The following FRMD4B variants were observed in gnomAD, a reference collection of about 807,000 sequenced individuals.
The protein encoded by FRMD4B is FERM domain containing 4B.
In FRMD4B, 74 loss-of-function variants were observed where a neutral mutation model predicts 141.5. That is an observed-to-expected ratio of 0.52 (90% confidence interval 0.43 to 0.63). The LOEUF is 0.63. FRMD4B is among the 30% of genes least tolerant of loss of function. The pLI is 0.00. For missense variants in FRMD4B, 1,366 were observed against 1,253.4 expected (o/e 1.09, Z -1.36); for synonymous variants, 506 against 467.9 (o/e 1.08, Z -1.05).
At chr3:69,473,678 G>T (rs1268169764) in intron 1 of FRMD4B, among the ~76,000 whole-genome samples, 1 of 152,044 alleles carries the variant, frequency 6.6e-6, no homozygotes, top group Admixed American at 6.6e-5. Context: ...ATCCATGTGG[G>T]CATTCACAAT....
At chr3:69,291,557 A>AT (rs1170872292) in intron 4 of FRMD4B, among the ~76,000 whole-genome samples, 1 of 152,124 alleles carries the variant, frequency 6.6e-6, no homozygotes, top group Non-Finnish European at 1.5e-5. Flanking sequence ...ACTGGGACAC[A>AT]TTTTTTCTGC....
At position 69,397,921 on chromosome 3, in the gene FRMD4B, C is replaced by T. The variant is rs796704848; in HGVS notation, c.-1+34713G>A. Among the ~76,000 whole-genome samples the T allele has an allele frequency of 6.6e-5, 10 of 152,208 alleles. No homozygotes were observed. In the South Asian group the frequency reaches 8.3e-4, roughly 13 times the overall value. ...TACCAAAAAAAGAGAGGTAAAACCA[C>T]AGAAAACATCTTAACTTGTACCTGT... On this transcript the variant is annotated intron_variant, in intron 2 of 5. Coordinates refer to the FRMD4B transcript ENST00000459638.
intron 7 of FRMD4B, among the ~76,000 whole-genome samples, chr3:69,242,377 A>G (rs2093390669): frequency 6.6e-6 from 1 of 151,816 alleles, no homozygotes; most frequent in East Asian, 1.9e-4. Context: ...CCAGAGGTGT[A>G]ATAACTAAGG....
At chr3:69,213,595 T>G (rs888887429) in intron 11 of FRMD4B, among the ~76,000 whole-genome samples, 7 of 151,860 alleles carry the variant, frequency 4.6e-5, no homozygotes, top group African/African-American at 1.5e-4. Context: ...GTTAACAGTA[T>G]GATTACAAAC....
At chr3:69,410,726 A>ATAT (rs1704742541) in intron 2 of FRMD4B, among the ~76,000 whole-genome samples, 27 of 86,248 alleles carry the variant, frequency 3.1e-4, no homozygotes, top group Middle Eastern at 6.0e-3. Context: ...TAAATAAATA[A>ATAT]ATATATATAT....
chr3:69,333,727 T>C (rs1223359150), intron 1 of FRMD4B, among the ~76,000 whole-genome samples: 3 of 152,174 alleles, frequency 2.0e-5, no homozygotes, highest in Non-Finnish European at 4.4e-5. Context: ...ATTGTGAACG[T>C]GGTCCATTTT....
chr3:69,430,794 C>T (rs1357117802), intron 2 of FRMD4B, among the ~76,000 whole-genome samples: 1 of 152,216 alleles, frequency 6.6e-6, no homozygotes, highest in African/African-American at 2.4e-5. Context: ...CTTAAACCTA[C>T]TTCAAATAAT....
chr3:69,525,125 T>C (rs1277251360), intron 1 of FRMD4B, among the ~76,000 whole-genome samples: 1 of 152,174 alleles, frequency 6.6e-6, no homozygotes, highest in African/African-American at 2.4e-5. Flanking sequence ...AAAGTGACCA[T>C]GAGAGCTGAA....
chr3:69,261,020 T>A (rs888314648), intron 5 of FRMD4B, among the ~76,000 whole-genome samples: 1 of 152,152 alleles, frequency 6.6e-6, no homozygotes, highest in Admixed American at 6.5e-5. Context: ...CAGCAGGATG[T>A]GGGTGGGGTC....
At chr3:69,337,417 C>T (rs1702592971) in intron 1 of FRMD4B, among the ~76,000 whole-genome samples, 1 of 152,192 alleles carries the variant, frequency 6.6e-6, no homozygotes, top group South Asian at 2.1e-4. Flanking sequence ...ATGTCTAAAA[C>T]ACCAAAAGCA....
At position 69,257,658 on chromosome 3, in the gene FRMD4B, A is replaced by G. The variant is rs77262347; in HGVS notation, c.502-7559T>C. On this transcript the variant is annotated intron_variant, in intron 5 of 22. Transcript: ENST00000398540. The stretch of plus-strand genomic sequence containing the variant: ...TCACTTACTATATTTTAATATGTTC[A>G]GGATTGGCTTTTTTTTTTCTTGAGA... 2.0e-3 allele frequency among the ~76,000 whole-genome samples: 300 copies of G among 152,054 alleles called. 1 individual carries two copies. Among genetic ancestry groups the G allele is most frequent in the African/African-American group, 7.0e-3 (290 of 41,474 alleles).
intron 11 of FRMD4B, among the ~76,000 whole-genome samples, chr3:69,205,148 G>A (rs1353908902): frequency 8.0e-5 from 12 of 150,466 alleles, no homozygotes; most frequent in Admixed American, 4.0e-4. Flanking sequence ...AGCCATTTGC[G>A]GGATAGGACT....
At chr3:69,229,117 C>G (rs952467447) in intron 7 of FRMD4B, among the ~76,000 whole-genome samples, 4 of 151,322 alleles carry the variant, frequency 2.6e-5, no homozygotes, top group Non-Finnish European at 1.5e-5. Context: ...CCTCAACCTC[C>G]AGGGCTCAAG....
At chr3:69,332,742 ATTTTTT>A (rs58437578) in intron 1 of FRMD4B, among the ~76,000 whole-genome samples, 5 of 67,508 alleles carry the variant, frequency 7.4e-5, no homozygotes, top group South Asian at 6.6e-4. Context: ...ACACCTGGCT[ATTTTTT>A]TTTTTTTTTT....
chr3:69,533,621 C>T (rs923205772), intron 1 of FRMD4B, among the ~76,000 whole-genome samples: 1 of 152,174 alleles, frequency 6.6e-6, no homozygotes. Context: ...TGATTCTCTG[C>T]GTTAATCAGA....
chr3:69,230,530 G>C (rs2093297074), intron 7 of FRMD4B, among the ~76,000 whole-genome samples: 1 of 151,890 alleles, frequency 6.6e-6, no homozygotes, highest in African/African-American at 2.4e-5. Context: ...TGGATCACCT[G>C]AGGTCAGGAG....
intron 1 of FRMD4B, among the ~76,000 whole-genome samples, chr3:69,345,438 GA>G (rs975634846): frequency 2.0e-5 from 3 of 152,252 alleles, no homozygotes; most frequent in African/African-American, 7.2e-5. Context: ...AAAGGCAGCA[GA>G]AACCTCTACA....
At chr3:69,214,724 T>G (rs1353389835) in intron 11 of FRMD4B, among the ~76,000 whole-genome samples, 1 of 152,048 alleles carries the variant, frequency 6.6e-6, no homozygotes, top group East Asian at 1.9e-4. Context: ...GATCTGGGCA[T>G]GGTAGCATGT....
intron 1 of FRMD4B, among the ~76,000 whole-genome samples, chr3:69,541,627 T>C (rs1701185248): frequency 6.6e-6 from 1 of 152,188 alleles, no homozygotes; most frequent in South Asian, 2.1e-4. Context: ...ATATTTATTT[T>C]TTCCTCCCCA....
Sources: gnomAD v4.1 joint callset for allele counts (sites outside exome capture counted in the v4.1 genomes callset) on GRCh38, gnomAD v4.1.1 for gene constraint, MANE v1.5 for transcripts, NCBI Gene and HGNC (gene_info 2026-07-23, HGNC 2026-07-21) for gene names.